Variants in PLA2G4E observed in about 807,000 individuals in gnomAD.
The protein encoded by PLA2G4E is phospholipase A2 group IVE, also known as cytosolic phospholipase A2 epsilon.
In PLA2G4E, 84 loss-of-function variants were observed where a neutral mutation model predicts 109.1. The observed-to-expected ratio is 0.77, with a 90% CI of 0.65 to 0.92. The LOEUF is 0.92. Among genes scored for constraint, PLA2G4E ranks in the 40% least tolerant of loss-of-function variants. The pLI is 0.00. For synonymous variants in PLA2G4E, 469 were observed against 436.1 expected, an observed-to-expected ratio of 1.08 and a Z score of -0.94; for missense variants, 1,057 against 1,076.6, an observed-to-expected ratio of 0.98 and a Z score of 0.25.
At chr15:41,999,891 G>A in intron 9 of PLA2G4E, 26 bp downstream of exon 9, 1 of 1,585,642 alleles carries the variant, frequency 6.3e-7, no homozygotes, top group South Asian at 1.1e-5. Context: ...GTAAGTCAGG[G>A]GCCCTTCCCA....
chr15:41,987,020 C>T, intron 17 of PLA2G4E, 152 bp downstream of exon 17: 2 of 788,438 alleles, frequency 2.5e-6, no homozygotes, highest in Non-Finnish European at 4.0e-6. Flanking sequence ...GACGACACCA[C>T]CAAATGTGGA....
chr15:42,004,890 A>G (rs1482788746), intron 5 of PLA2G4E, 48 bp downstream of exon 5: 5 of 1,601,130 alleles, frequency 3.1e-6, no homozygotes, highest in Non-Finnish European at 4.3e-6. Context: ...CCCAGAAGCT[A>G]CTTGATGGCC....
Position 41,988,176 on chromosome 15 carries a change from T to C in PLA2G4E, c.1724-20A>G. ...ACAGGCCTGGGAGCCAGGGCCAGCG[T>C]GAGCAGCTCCACCCTGCAGCCCCAG... is the stretch of plus-strand genomic sequence containing the variant. On this transcript the variant is annotated intron_variant, in intron 15 of 19. Coordinates refer to ENST00000399518, the Ensembl canonical transcript of PLA2G4E. 1 of 1,548,544 alleles carries C rather than the reference T, an allele frequency of 6.5e-7. No homozygotes were observed. The highest frequency in any genetic ancestry group is 8.8e-7 in the Non-Finnish European group (1 of 1,137,634).
At chr15:42,003,638 T>C (rs566307093) in intron 5 of PLA2G4E, among the ~76,000 whole-genome samples, 4 of 152,362 alleles carry the variant, frequency 2.6e-5, no homozygotes, top group Admixed American at 2.6e-4. Flanking sequence ...CAGCTGTTGA[T>C]GGGAAGTAAG....
intron 1 of PLA2G4E, among the ~76,000 whole-genome samples, chr15:42,015,154 C>T (rs112465615): frequency 0.016 from 2,437 of 152,270 alleles, 59 homozygotes; most frequent in African/African-American, 0.056. Flanking sequence ...ACGTCCCTCC[C>T]GAGCTGCCCC....
At chr15:42,010,583 T>A (rs1237142561) in intron 2 of PLA2G4E, among the ~76,000 whole-genome samples, 1 of 152,188 alleles carries the variant, frequency 6.6e-6, no homozygotes. Flanking sequence ...TTGTTCCTAG[T>A]GGAGTGACAG....
exon 20 of PLA2G4E, chr15:41,983,884 G>A: frequency 6.2e-7 from 1 of 1,613,472 alleles, no homozygotes. Context: ...GGTGGCCTCT[G>A]TGTATGTCAG....
exon 13 of PLA2G4E, chr15:41,992,845 G>A (rs2068274368): frequency 6.2e-7 from 1 of 1,614,034 alleles, no homozygotes; most frequent in Non-Finnish European, 8.5e-7. Flanking sequence ...TGCGGAGCTG[G>A]TCTGGGAACA....
intron 5 of PLA2G4E, 49 bp downstream of exon 5, chr15:42,004,889 T>C (rs2068458914): frequency 1.2e-6 from 2 of 1,602,034 alleles, no homozygotes; most frequent in East Asian, 4.5e-5. Context: ...TCCCAGAAGC[T>C]ACTTGATGGC....
At chr15:42,000,269 C>T (rs769189587) in exon 8 of PLA2G4E, 2 of 1,569,904 alleles carry the variant, frequency 1.3e-6, no homozygotes, top group East Asian at 4.7e-5. Flanking sequence ...TCACCATCAC[C>T]AGGAGGTCCT....
chr15:42,018,068 A>G (rs879668034), intron 1 of PLA2G4E, among the ~76,000 whole-genome samples: 1 of 152,220 alleles, frequency 6.6e-6, no homozygotes, highest in Non-Finnish European at 1.5e-5. Flanking sequence ...TGGCAGGAAT[A>G]TGGGACTTAG....
intron 11 of PLA2G4E, among the ~76,000 whole-genome samples, chr15:41,995,828 GT>G (rs967558025): frequency 6.6e-6 from 1 of 152,180 alleles, no homozygotes; most frequent in African/African-American, 2.4e-5. Context: ...GGGTCCGAGG[GT>G]GGTGGGCAGC....
intron 7 of PLA2G4E, 115 bp downstream of exon 7, chr15:42,001,042 C>G (rs774768864): frequency 2.9e-5 from 32 of 1,086,394 alleles, no homozygotes; most frequent in Non-Finnish European, 4.2e-5. Context: ...TTCAGCCGAG[C>G]TTTTGGTCCC....
At chr15:42,020,381 A>G (rs1162885663) in intron 1 of PLA2G4E, among the ~76,000 whole-genome samples, 1 of 152,218 alleles carries the variant, frequency 6.6e-6, no homozygotes, top group Admixed American at 6.5e-5. Context: ...GTTGGTCTAG[A>G]GCCCTGGCAA....
At chr15:42,004,225 C>A (rs889479700) in intron 5 of PLA2G4E, among the ~76,000 whole-genome samples, 6 of 152,010 alleles carry the variant, frequency 3.9e-5, no homozygotes, top group Non-Finnish European at 5.9e-5. Flanking sequence ...TCGCTTGAAT[C>A]CAGGAGGTGG....
At chr15:42,047,316 A>G (rs1291766307) in intron 1 of PLA2G4E, among the ~76,000 whole-genome samples, 2 of 152,156 alleles carry the variant, frequency 1.3e-5, no homozygotes, top group African/African-American at 4.8e-5. Context: ...TGGGAAGTCT[A>G]AGGTCAAGGG....
intron 7 of PLA2G4E, among the ~76,000 whole-genome samples, chr15:42,000,872 TG>T (rs2068409972): frequency 6.6e-6 from 1 of 152,122 alleles, no homozygotes; most frequent in South Asian, 2.1e-4. Flanking sequence ...GGTCCTGGCA[TG>T]GCACAGCACA....
At chr15:42,004,071 G>A (rs879879341) in intron 5 of PLA2G4E, among the ~76,000 whole-genome samples, 1 of 152,184 alleles carries the variant, frequency 6.6e-6, no homozygotes, top group Non-Finnish European at 1.5e-5. Flanking sequence ...AGCACTTTGG[G>A]AGGCCGAGGC....
chr15:42,022,358 G>A (rs780295985), intron 1 of PLA2G4E, among the ~76,000 whole-genome samples: 10 of 152,072 alleles, frequency 6.6e-5, no homozygotes, highest in Non-Finnish European at 1.0e-4. Flanking sequence ...TAATTTTTCC[G>A]CGGGTGGGCG....
Sources: gnomAD v4.1 joint callset for allele counts (sites outside exome capture counted in the v4.1 genomes callset) on GRCh38, gnomAD v4.1.1 for gene constraint, MANE v1.5 for transcripts, NCBI Gene and HGNC (gene_info 2026-07-23, HGNC 2026-07-21) for gene names.